CSMD1: variants seen among roughly 807,000 people sequenced by gnomAD.
The protein encoded by CSMD1 is CUB and Sushi multiple domains 1.
CSMD1 carries 213 observed loss-of-function variants against 417.5 expected under a neutral mutation model. That is an observed-to-expected ratio of 0.51 (90% CI 0.46 to 0.57). The LOEUF is 0.57. Ranked by LOEUF, CSMD1 falls within the 20% of genes least tolerant of loss-of-function variation. The probability of loss-of-function intolerance (pLI) is 0.00; values close to 1 mark genes in which losing one functional copy is unlikely to be tolerated. For missense variants in CSMD1, 6,923 were observed against 4,529.7 expected (o/e 1.53, Z -15.17); for synonymous variants, 2,862 against 1,736.8 (o/e 1.65, Z -16.11).
At chr8:4,274,900 C>G (rs772370670) in intron 3 of CSMD1, among the ~76,000 whole-genome samples, 3 of 152,104 alleles carry the variant, frequency 2.0e-5, no homozygotes, top group Non-Finnish European at 2.9e-5. Flanking sequence ...CACAGATATT[C>G]CAGAAGGAAA....
At chr8:4,779,872 G>C (rs745493543) in intron 1 of CSMD1, among the ~76,000 whole-genome samples, 1 of 152,064 alleles carries the variant, frequency 6.6e-6, no homozygotes, top group Non-Finnish European at 1.5e-5. Flanking sequence ...CTGCTCCCCA[G>C]GCTTGCTGCT....
intron 3 of CSMD1, among the ~76,000 whole-genome samples, chr8:4,070,775 C>G (rs906106409): frequency 2.0e-5 from 3 of 152,218 alleles, no homozygotes; most frequent in Non-Finnish European, 2.9e-5. Context: ...CACTGACACC[C>G]TCTCATAAGC....
chr8:3,118,535 C>G lies in CSMD1; in HGVS notation c.6294G>C (p.Met2098Ile), dbSNP rs768340884. 20 of 1,613,820 alleles carry G rather than the reference C, an allele frequency of 1.2e-5. No individual in the cohort carries two copies. The highest frequency in any genetic ancestry group is 1.6e-5 in the Non-Finnish European group (19 of 1,179,886). ...GCCCCACGCTGTAATCCGAGTTGAT[C>G]ATGTACCCATTCTGAAATGGGGGTG... ...PDPPPFQNGY[M>I]INSDYSVGQS... Residue 2098 changes from methionine to isoleucine, a missense_variant, in exon 42 of 70, where the codon ATG becomes ATC. Physicochemically the swap from Met to Ile is conservative, Grantham distance 10. Transcript: ENST00000635120.
chr8:4,441,733 T>C (rs1019790136), intron 2 of CSMD1, among the ~76,000 whole-genome samples: 4 of 152,074 alleles, frequency 2.6e-5, no homozygotes, highest in African/African-American at 9.7e-5. Context: ...TAAATGAAAA[T>C]TTTTACTTAA....
intron 2 of CSMD1, among the ~76,000 whole-genome samples, chr8:4,588,806 A>ACACACAC (rs1563313415): frequency 6.6e-6 from 1 of 150,868 alleles, no homozygotes; most frequent in African/African-American, 2.4e-5. Context: ...ACACACACAC[A>ACACACAC]AAAGAAACTC....
At chr8:3,816,219 G>C (rs978586362) in intron 5 of CSMD1, among the ~76,000 whole-genome samples, 2 of 152,146 alleles carry the variant, frequency 1.3e-5, no homozygotes, top group Non-Finnish European at 2.9e-5. Flanking sequence ...TCAGACAGAA[G>C]GGCACGTGTT....
chr8:3,251,588 C>T (rs1429607984), intron 26 of CSMD1, among the ~76,000 whole-genome samples: 1 of 151,996 alleles, frequency 6.6e-6, no homozygotes, highest in Non-Finnish European at 1.5e-5. Context: ...TAGTTTTTTC[C>T]AATTCTGTGA....
At chr8:4,194,848 C>T (rs1485125278) in intron 3 of CSMD1, among the ~76,000 whole-genome samples, 1 of 152,012 alleles carries the variant, frequency 6.6e-6, no homozygotes, top group African/African-American at 2.4e-5. Context: ...TTCAGGATCT[C>T]CCACTGTATT....
At chr8:4,479,365 G>C (rs967442087) in intron 2 of CSMD1, among the ~76,000 whole-genome samples, 1 of 152,088 alleles carries the variant, frequency 6.6e-6, no homozygotes, top group Non-Finnish European at 1.5e-5. Context: ...CATATGTCCG[G>C]TTACAAAATT....
chr8:3,485,271 T>C (rs1271033978), intron 11 of CSMD1, among the ~76,000 whole-genome samples: 2 of 152,186 alleles, frequency 1.3e-5, no homozygotes, highest in African/African-American at 4.8e-5. Context: ...GGAATTTTGC[T>C]GAGTGAGAAG....
At chr8:3,826,471 A>G (rs1802061093) in intron 5 of CSMD1, among the ~76,000 whole-genome samples, 1 of 152,136 alleles carries the variant, frequency 6.6e-6, no homozygotes, top group Non-Finnish European at 1.5e-5. Context: ...CAGCACCTTT[A>G]CATCTCCTAG....
At chr8:3,253,939 C>T (rs575677766) in intron 26 of CSMD1, among the ~76,000 whole-genome samples, 1 of 152,268 alleles carries the variant, frequency 6.6e-6, no homozygotes, top group Non-Finnish European at 1.5e-5. Flanking sequence ...GGTTATTTTG[C>T]TCATTAGTTG....
intron 5 of CSMD1, among the ~76,000 whole-genome samples, chr8:3,827,913 G>C (rs79998546): frequency 0.02 from 3,042 of 152,234 alleles, 118 homozygotes; most frequent in African/African-American, 0.069. Context: ...AAACAATATA[G>C]TAAGCACTAT....
chr8:3,352,579 T>C (rs1374480701), intron 21 of CSMD1, among the ~76,000 whole-genome samples: 1 of 152,154 alleles, frequency 6.6e-6, no homozygotes, highest in Non-Finnish European at 1.5e-5. Flanking sequence ...GTGGCTCACA[T>C]CTGTAATCCT....
At chr8:4,232,388 G>T (rs10104908) in intron 3 of CSMD1, among the ~76,000 whole-genome samples, 3 of 151,768 alleles carry the variant, frequency 2.0e-5, no homozygotes, top group East Asian at 1.9e-4. Context: ...TAGTAGAGAC[G>T]GGGTTTCCCC....
Position 3,689,805 on chromosome 8 carries a change from T to C in CSMD1, c.1009+18609A>G, listed in dbSNP as rs950623678. Among the ~76,000 whole-genome samples the C allele has an allele frequency of 5.3e-5, 8 of 152,364 alleles. No homozygotes were observed. The East Asian group carries it at 1.2e-3, about 22-fold the overall frequency. The stretch of plus-strand genomic sequence containing the variant: ...TTTTCACAAAGTTACAGTCTATTCA[T>C]TGGAGACACCATGATTCCAAACTAC... On this transcript the variant is annotated intron_variant, in intron 7 of 69. Transcript: ENST00000635120.
chr8:3,497,814 T>C (rs551783603), intron 10 of CSMD1, among the ~76,000 whole-genome samples: 1 of 152,334 alleles, frequency 6.6e-6, no homozygotes, highest in East Asian at 1.9e-4. Context: ...CTCTTCTTGG[T>C]TATTTTTGTG....
At chr8:4,879,723 A>G (rs988504635) in intron 1 of CSMD1, among the ~76,000 whole-genome samples, 2 of 152,090 alleles carry the variant, frequency 1.3e-5, no homozygotes, top group Non-Finnish European at 2.9e-5. Flanking sequence ...TGCTATTAGA[A>G]AGGGATTGGG....
chr8:4,969,473 C>T (rs960737442), intron 1 of CSMD1, among the ~76,000 whole-genome samples: 1 of 151,388 alleles, frequency 6.6e-6, no homozygotes, highest in South Asian at 2.1e-4. Flanking sequence ...CATATTCATT[C>T]ATTCTCTCTC....
Sources: allele counts gnomAD v4.1 joint callset (sites outside exome capture counted in the v4.1 genomes callset), GRCh38; gene constraint gnomAD v4.1.1; transcripts MANE v1.5; gene names NCBI Gene and HGNC (gene_info 2026-07-23, HGNC 2026-07-21).